NPHP1: variants seen among roughly 807,000 people sequenced by gnomAD.
NPHP1 encodes nephrocystin-1.
A neutral mutation model predicts 90.4 loss-of-function variants in NPHP1; 70 were observed. The ratio of observed to expected loss-of-function variants is 0.77; its 90% CI spans 0.64 to 0.95. The LOEUF (loss-of-function observed/expected upper bound fraction) is 0.95, where lower values mean the gene tolerates loss of function less well. Among genes scored for constraint, NPHP1 ranks in the 40% least tolerant of loss-of-function variants. NPHP1 has a pLI of 0.00. For synonymous variants in NPHP1, 256 were observed against 271.7 expected, an observed-to-expected ratio of 0.94 and a Z score of 0.57; for missense variants, 764 against 795.9, an observed-to-expected ratio of 0.96 and a Z score of 0.48.
chr2:110,155,570 A>G (rs770996244), intron 11 of NPHP1, among the ~76,000 whole-genome samples: 3 of 152,180 alleles, frequency 2.0e-5, no homozygotes, highest in Non-Finnish European at 4.4e-5. Context: ...GCCCAAGACC[A>G]TGTGAACCCA....
At position 110,129,188 on chromosome 2, in the gene NPHP1, T is replaced by C; in HGVS notation, c.1714A>G (p.Arg572Gly). 1 of 1,610,992 alleles carries C rather than the reference T, an allele frequency of 6.2e-7. No individual in the cohort carries two copies. The highest frequency in any genetic ancestry group is 8.5e-7 in the Non-Finnish European group (1 of 1,177,468). ...LEQPDVMDAL[R>G]SSWAGKESTL... Reference sequence around the variant, plus strand: ...CCATTGCAATGCATGCTACCCACCCTGAGAGCATCCATCACATCAGGCTGC... The same window carrying C: ...CCATTGCAATGCATGCTACCCACCCCGAGAGCATCCATCACATCAGGCTGC... Residue 572 changes from arginine (R) to glycine (G), a missense_variant and splice_region_variant, in exon 18 of 20, where the codon AGG (arginine) becomes GGG (glycine). Physicochemically the swap from Arg to Gly is moderately radical, Grantham distance 125. Coordinates refer to ENST00000445609, the MANE Select transcript of NPHP1 (RefSeq NM_001128178.3).
intron 2 of NPHP1, chr2:110,185,183 G>A: frequency 1.8e-6 from 1 of 551,494 alleles, no homozygotes; most frequent in Non-Finnish European, 3.6e-6. Context: ...ACCTTCTAAT[G>A]TTGGGATATC....
chr2:110,204,989 G>C lies in NPHP1; in HGVS notation c.-21C>G. 6.2e-7 allele frequency: 1 copy of C among 1,613,364 alleles called. No individual in the cohort carries two copies. The highest frequency in any genetic ancestry group is 1.1e-5 in the South Asian group (1 of 91,042). On this transcript the variant is annotated 5_prime_UTR_variant, in exon 1 of 20. The change creates a new upstream start codon in the 5' untranslated region. Transcript: ENST00000445609. ...AGCATCTCCCTGGCTGCGGTGCTCT[G>C]ATTGCTCCAGTTGCCAGGGAAACCA...
intron 2 of NPHP1, among the ~76,000 whole-genome samples, chr2:110,181,565 A>G (rs763390413): frequency 5.9e-5 from 9 of 152,208 alleles, no homozygotes; most frequent in Admixed American, 3.3e-4. Flanking sequence ...CTGACTGTTA[A>G]AAGAAAAACA....
chr2:110,199,830 C>G (rs906438861), intron 2 of NPHP1, among the ~76,000 whole-genome samples: 2 of 152,102 alleles, frequency 1.3e-5, no homozygotes, highest in African/African-American at 4.8e-5. Context: ...ACTGAAAAGA[C>G]TCAGAGCACT....
At chr2:110,195,792 G>C (rs999565874) in intron 2 of NPHP1, among the ~76,000 whole-genome samples, 1 of 152,038 alleles carries the variant, frequency 6.6e-6, no homozygotes, top group African/African-American at 2.4e-5. Context: ...CATGGTACTG[G>C]TACCAAAACA....
rs1051027390 is a variant in NPHP1 at position 110,147,617 on chromosome 2, G to A, written c.1269+299C>T. ...CTGGAAGACAGAGGTGAACCATGGC[G>A]CTGGGATGCCAGTGAGCATCTTTTC... On this transcript the variant is annotated intron_variant, in intron 13 of 19. Transcript: ENST00000445609. Among the ~76,000 whole-genome samples, 5 of 152,130 alleles carry A rather than the reference G, an allele frequency of 3.3e-5. No individual in the cohort carries two copies. The South Asian group carries it at 6.2e-4, about 19-fold the overall frequency.
At chr2:110,183,063 T>C (rs1327123535) in intron 2 of NPHP1, among the ~76,000 whole-genome samples, 2 of 152,008 alleles carry the variant, frequency 1.3e-5, no homozygotes, top group Non-Finnish European at 2.9e-5. Context: ...CATTACACAA[T>C]GGTAAAAGGT....
chr2:110,184,845 G>A (rs570466304), intron 2 of NPHP1: 443 of 703,026 alleles, frequency 6.3e-4, no homozygotes, highest in Non-Finnish European at 5.7e-4. Flanking sequence ...TCCCAATTCC[G>A]GGCCCCTGAG....
chr2:110,135,338 G>A (rs955423948), intron 16 of NPHP1, among the ~76,000 whole-genome samples: 23 of 151,396 alleles, frequency 1.5e-4, no homozygotes, highest in African/African-American at 5.1e-4. Flanking sequence ...TTAGCTGGGC[G>A]TGTTGGCAGG....
At chr2:110,184,590 T>C (rs1684149171) in intron 2 of NPHP1, 2 of 1,228,456 alleles carry the variant, frequency 1.6e-6, no homozygotes, top group Admixed American at 3.4e-5. Flanking sequence ...CATGCCCCAC[T>C]CCATCATGCG....
chr2:110,137,337 AC>A lies in NPHP1; in HGVS notation c.1530-5547del, dbSNP rs1680273366. Among the ~76,000 whole-genome samples, 23 of 152,250 alleles carry A rather than the reference AC, an allele frequency of 1.5e-4. 2 individuals are homozygous for A. In the South Asian group the frequency reaches 4.8e-3, roughly 32 times the overall value. Reference sequence around the variant, plus strand: ...AAATTAACAAATGGGATCTAATTAAACTAAAGAGCTCCTGCACAGCAAAAGA... The same window carrying A: ...AAATTAACAAATGGGATCTAATTAAATAAAGAGCTCCTGCACAGCAAAAGA... On this transcript the variant is annotated intron_variant, in intron 16 of 19. Transcript: ENST00000445609.
At chr2:110,131,260 T>A (rs2104436243) in intron 17 of NPHP1, among the ~76,000 whole-genome samples, 1 of 152,284 alleles carries the variant, frequency 6.6e-6, no homozygotes, top group Middle Eastern at 3.4e-3. Context: ...ATATCTGGAT[T>A]CACCAATTTA....
At chr2:110,184,906 G>T (rs1684177118) in intron 2 of NPHP1, 1 of 691,192 alleles carries the variant, frequency 1.4e-6, no homozygotes, top group South Asian at 1.4e-5. Flanking sequence ...GCATCCACAA[G>T]GTCCTGGTGT....
chr2:110,159,068 T>C (rs1682117399), intron 11 of NPHP1, among the ~76,000 whole-genome samples: 1 of 152,058 alleles, frequency 6.6e-6, no homozygotes, highest in African/African-American at 2.4e-5. Flanking sequence ...TTATAATGAT[T>C]GATTTTCAAA....
At chr2:110,142,807 A>C (rs1192045578) in intron 16 of NPHP1, among the ~76,000 whole-genome samples, 2 of 152,206 alleles carry the variant, frequency 1.3e-5, no homozygotes, top group Non-Finnish European at 2.9e-5. Flanking sequence ...GTACTGAAGT[A>C]TAGTGTCTAC....
chr2:110,184,945 G>A, intron 2 of NPHP1: 1 of 672,684 alleles, frequency 1.5e-6, no homozygotes. Context: ...ACATGGACCT[G>A]CAGTTCACAC....
At chr2:110,131,564 A>G (rs1449999584) in intron 17 of NPHP1, 115 bp downstream of exon 17, 7 of 716,852 alleles carry the variant, frequency 9.8e-6, no homozygotes, top group Admixed American at 6.2e-5. Flanking sequence ...ATGCTGTTCT[A>G]AATATTTTAT....
intron 18 of NPHP1, chr2:110,126,386 C>G (rs1437584319): frequency 2.0e-5 from 3 of 152,606 alleles, no homozygotes; most frequent in Non-Finnish European, 4.4e-5. Context: ...CCTTTCTCAG[C>G]AGGGAGGCCC....
Sources: gnomAD v4.1 joint callset for allele counts (sites outside exome capture counted in the v4.1 genomes callset) on GRCh38, gnomAD v4.1.1 for gene constraint, MANE v1.5 for transcripts, NCBI Gene and HGNC (gene_info 2026-07-23, HGNC 2026-07-21) for gene names.